Variants in BCAR3 observed in about 807,000 individuals in gnomAD.
The protein encoded by BCAR3 is breast cancer anti-estrogen resistance protein 3.
BCAR3 carries 37 observed loss-of-function variants against 80.1 expected under a neutral mutation model. That is an observed-to-expected ratio of 0.46 (90% CI 0.36 to 0.61). The LOEUF (loss-of-function observed/expected upper bound fraction) is 0.61, where lower values mean the gene tolerates loss of function less well. Ranked by LOEUF, BCAR3 falls within the 20% of genes least tolerant of loss-of-function variation. The pLI, the probability that BCAR3 is intolerant of heterozygous loss-of-function variation, is 0.00. For synonymous variants in BCAR3, 389 were observed against 418.9 expected (o/e 0.93, Z 0.87); for missense variants, 978 against 1,068.2 (o/e 0.92, Z 1.18).
intron 2 of BCAR3, among the ~76,000 whole-genome samples, chr1:93,653,208 G>A (rs752577122): frequency 7.2e-5 from 11 of 152,180 alleles, no homozygotes; most frequent in Non-Finnish European, 1.0e-4. Context: ...TAAATTAATG[G>A]CTAAGAGTAT....
At chr1:93,754,466 GT>G (rs1386189261) in intron 2 of BCAR3, 1 of 152,168 alleles carries the variant, frequency 6.6e-6, no homozygotes, top group Admixed American at 6.5e-5. Flanking sequence ...GCATAATATG[GT>G]TTGACCCACA....
intron 2 of BCAR3, among the ~76,000 whole-genome samples, chr1:93,801,161 T>G (rs1044904719): frequency 6.6e-6 from 1 of 151,944 alleles, no homozygotes; most frequent in African/African-American, 2.4e-5. Flanking sequence ...TTAGATGTCT[T>G]GTTTTCTTGC....
intron 3 of BCAR3, among the ~76,000 whole-genome samples, chr1:93,612,251 T>C (rs1674972982): frequency 6.6e-6 from 1 of 152,066 alleles, no homozygotes; most frequent in Non-Finnish European, 1.5e-5. Context: ...TCAGGCCTTC[T>C]CTCTGTGCTA....
At chr1:93,686,703 G>A (rs1203827698), upstream of BCAR3, among the ~76,000 whole-genome samples, 1 of 152,178 alleles carries the variant, frequency 6.6e-6, no homozygotes, top group African/African-American at 2.4e-5. Context: ...CAGAGTGCCT[G>A]AGTAACTGCC....
At chr1:93,789,042 C>G (rs1653046869) in intron 2 of BCAR3, among the ~76,000 whole-genome samples, 1 of 152,044 alleles carries the variant, frequency 6.6e-6, no homozygotes. Flanking sequence ...GTCACTCAGG[C>G]TAGAGTGGAG....
intron 2 of BCAR3, among the ~76,000 whole-genome samples, chr1:93,770,623 G>T (rs1473052260): frequency 2.0e-5 from 3 of 152,086 alleles, no homozygotes; most frequent in Non-Finnish European, 4.4e-5. Context: ...ATACAGAGGG[G>T]GTGGGTAGAA....
At chr1:93,843,847 G>A (rs966513597) in intron 2 of BCAR3, among the ~76,000 whole-genome samples, 1 of 152,040 alleles carries the variant, frequency 6.6e-6, no homozygotes, top group African/African-American at 2.4e-5. Flanking sequence ...CTTTCACTTG[G>A]TTCCCACAGT....
At chr1:93,779,457 A>T (rs920062862) in intron 2 of BCAR3, among the ~76,000 whole-genome samples, 1 of 152,212 alleles carries the variant, frequency 6.6e-6, no homozygotes, top group Non-Finnish European at 1.5e-5. Flanking sequence ...GAGTCGGTGG[A>T]CATAAGTAAA....
intron 2 of BCAR3, among the ~76,000 whole-genome samples, chr1:93,654,242 T>C (rs1055360051): frequency 1.1e-4 from 17 of 152,116 alleles, no homozygotes; most frequent in Non-Finnish European, 5.9e-5. Context: ...CTGAAGTCAG[T>C]TGATGTTACG....
intron 2 of BCAR3, among the ~76,000 whole-genome samples, chr1:93,656,756 A>G (rs994564666): frequency 1.3e-5 from 2 of 152,070 alleles, no homozygotes; most frequent in Non-Finnish European, 2.9e-5. Context: ...GGCATGTACC[A>G]CCACACCCAG....
chr1:93,781,818 C>T (rs917158908), intron 2 of BCAR3, among the ~76,000 whole-genome samples: 2 of 152,222 alleles, frequency 1.3e-5, no homozygotes, highest in African/African-American at 2.4e-5. Flanking sequence ...CTGTTCCCCA[C>T]TTTAAGATTT....
At chr1:93,818,669 T>G (rs113611495) in intron 2 of BCAR3, among the ~76,000 whole-genome samples, 9 of 152,230 alleles carry the variant, frequency 5.9e-5, no homozygotes, top group African/African-American at 2.2e-4. Context: ...TGTCAGGCAT[T>G]ATTCTAGGTG....
intron 3 of BCAR3, among the ~76,000 whole-genome samples, chr1:93,610,860 G>A (rs935317012): frequency 2.0e-5 from 3 of 151,998 alleles, no homozygotes; most frequent in Non-Finnish European, 4.4e-5. Flanking sequence ...GACAGGAGAA[G>A]GCGGAGGTTG....
chr1:93,741,231 C>G (rs965419052), intron 2 of BCAR3, among the ~76,000 whole-genome samples: 13 of 152,194 alleles, frequency 8.5e-5, no homozygotes, highest in Non-Finnish European at 1.8e-4. Context: ...AGGGCCCAGA[C>G]TTTTATACTG....
At chr1:93,614,487 C>T (rs1384255288) in intron 3 of BCAR3, among the ~76,000 whole-genome samples, 1 of 151,986 alleles carries the variant, frequency 6.6e-6, no homozygotes, top group Non-Finnish European at 1.5e-5. Flanking sequence ...AGTGACTTTC[C>T]CTAGGAGAAA....
intron 2 of BCAR3, chr1:93,753,553 C>G (rs1417339096): frequency 1.6e-5 from 1 of 60,886 alleles, no homozygotes; most frequent in Non-Finnish European, 3.2e-5. Context: ...TACACACACA[C>G]ACACACACAC....
rs1275532521 is a variant in BCAR3 at position 93,730,695 on chromosome 1, T to C, written c.-62-24553A>G. Reference sequence around the variant, plus strand: ...CACACATCCAGCACCACTGACCTTTTAGTAAGTGCTGGAGGGAATGTCTGA... The same window carrying C: ...CACACATCCAGCACCACTGACCTTTCAGTAAGTGCTGGAGGGAATGTCTGA... On this transcript the variant is annotated intron_variant, in intron 2 of 13. Transcript: ENST00000370244. Among the ~76,000 whole-genome samples, 5 of 152,322 alleles carry C rather than the reference T, an allele frequency of 3.3e-5. No individual in the cohort carries two copies. In the Middle Eastern group the frequency reaches 0.01, roughly 311 times the overall value.
rs912290194 is a variant in BCAR3, at chr1:93,638,065, C to T, written c.357+4239G>A. On this transcript the variant is annotated intron_variant, in intron 3 of 11. Transcript: ENST00000260502. ...GAGATCGAGACCATCCTGGCTAATA[C>T]GGTGAAACCCCATCTCTACTAAAAA... Among the ~76,000 whole-genome samples the T allele has an allele frequency of 1.4e-4, 21 of 152,146 alleles. 1 individual carries two copies. Among genetic ancestry groups the T allele is most frequent in the African/African-American group, 4.8e-5 (2 of 41,426 alleles).
Position 93,588,343 on chromosome 1 carries a change from C to CCTCCA in BCAR3, c.929+629_929+633dup, listed in dbSNP as rs540525834. Among the ~76,000 whole-genome samples the CCTCCA allele has an allele frequency of 2.1e-3, 318 of 152,220 alleles. 1 individual carries two copies. Among genetic ancestry groups the CCTCCA allele is most frequent in the African/African-American group, 7.3e-3 (305 of 41,528 alleles). ...CAGGCTCCTACATCTCTTGACTCTC[C>CCTCCA]CTCCACTCCACTCCTGCAGCCGGGG... On this transcript the variant is annotated intron_variant, in intron 5 of 11. Transcript: ENST00000260502.
Sources: allele counts gnomAD v4.1 joint callset (sites outside exome capture counted in the v4.1 genomes callset), GRCh38; gene constraint gnomAD v4.1.1; transcripts MANE v1.5; gene names NCBI Gene and HGNC (gene_info 2026-07-23, HGNC 2026-07-21).